RGL3: variants seen among roughly 807,000 people sequenced by gnomAD.
RGL3 encodes the protein ral guanine nucleotide dissociation stimulator-like 3.
In RGL3, 85 loss-of-function variants were observed where a neutral mutation model predicts 90.6. The observed-to-expected ratio is 0.94, with a 90% CI of 0.79 to 1.12. The LOEUF is 1.12. Among genes scored for constraint, RGL3 ranks in the 50% most tolerant of loss-of-function variants. RGL3 has a pLI of 0.00. For synonymous variants in RGL3, 408 were observed against 385.5 expected, an observed-to-expected ratio of 1.06 and a Z score of -0.68; for missense variants, 1,034 against 939.2, an observed-to-expected ratio of 1.10 and a Z score of -1.32.
At chr19:11,395,065 C>T (rs1362710405) in intron 18 of RGL3, among the ~76,000 whole-genome samples, 4 of 151,522 alleles carry the variant, frequency 2.6e-5, no homozygotes, top group South Asian at 4.2e-4. Context: ...TGCACTCCAG[C>T]CTGGGCAACA....
intron 9 of RGL3, 120 bp downstream of exon 9, chr19:11,405,027 C>T: frequency 1.2e-6 from 1 of 841,640 alleles, no homozygotes. Context: ...AAGGTCATTG[C>T]TGAGCGGTAG....
chr19:11,404,543 G>C (rs995349914), intron 9 of RGL3, among the ~76,000 whole-genome samples: 8 of 151,458 alleles, frequency 5.3e-5, no homozygotes, highest in African/African-American at 2.0e-4. Flanking sequence ...AACAAACAAA[G>C]AAACAAAAAA....
At chr19:11,416,521 C>G in intron 4 of RGL3, 93 bp downstream of exon 4, 1 of 1,264,010 alleles carries the variant, frequency 7.9e-7, no homozygotes, top group South Asian at 1.2e-5. Context: ...TCTTATTACC[C>G]AACCTGCAAT....
Position 11,402,061 on chromosome 19 carries a change from C to T in RGL3, c.1434G>A (p.Pro478=), listed in dbSNP as rs565228237. ...RCQSYTLSPH[P]PILAALHAQN... is the part of the protein sequence containing the mutation. ...GGGCATGCAGGGCAGCCAGGATGGG[C>T]GGGTGGGGGCTCAGGGTGTAGCTCT... Residue 478 remains proline, a synonymous_variant, in exon 13 of 19, where the codon CCG becomes CCA. Transcript: ENST00000380456. 4.3e-5 allele frequency: 67 copies of T among 1,572,590 alleles called. No individual in the cohort carries two copies. The highest frequency in any genetic ancestry group is 7.2e-5 in the South Asian group (6 of 83,376).
chr19:11,416,728 G>A, intron 3 of RGL3, 61 bp from the exon 4 acceptor site: 1 of 1,594,914 alleles, frequency 6.3e-7, no homozygotes, highest in South Asian at 1.1e-5. Flanking sequence ...TAGGAAGAGG[G>A]CTCTGGGTCT....
At chr19:11,415,417 C>G (rs2144741233) in intron 5 of RGL3, among the ~76,000 whole-genome samples, 1 of 151,814 alleles carries the variant, frequency 6.6e-6, no homozygotes, top group Admixed American at 6.6e-5. Flanking sequence ...ACAGAGCATC[C>G]TGACCCAACG....
intron 16 of RGL3, among the ~76,000 whole-genome samples, chr19:11,398,688 G>A (rs1266211323): frequency 6.7e-6 from 1 of 149,230 alleles, no homozygotes; most frequent in African/African-American, 2.5e-5. Flanking sequence ...TTTTCTTTTA[G>A]AGGGAGCCTC....
At chr19:11,416,217 T>A in intron 4 of RGL3, 69 bp from the exon 5 acceptor site, 8 of 28,030 alleles carry the variant, frequency 2.9e-4, no homozygotes, top group Non-Finnish European at 3.4e-4. Flanking sequence ...TCCTGGTACC[T>A]TTTTTTTTTT....
At chr19:11,405,920 T>G (rs1968769838) in intron 7 of RGL3, among the ~76,000 whole-genome samples, 1 of 150,962 alleles carries the variant, frequency 6.6e-6, no homozygotes. Context: ...CTAGAAACAT[T>G]GGTCTCACTA....
chr19:11,406,326 C>G, intron 7 of RGL3, 93 bp downstream of exon 7: 2 of 1,264,226 alleles, frequency 1.6e-6, no homozygotes, highest in Non-Finnish European at 1.1e-6. Context: ...CCCTCCCTCG[C>G]CTAGACTCGC....
intron 18 of RGL3, among the ~76,000 whole-genome samples, chr19:11,395,773 G>A (rs1344818431): frequency 2.6e-5 from 4 of 151,102 alleles, no homozygotes; most frequent in African/African-American, 9.7e-5. Context: ...GACTATAGGC[G>A]CCTGCCACCA....
chr19:11,405,155 G>C lies in RGL3; in HGVS notation c.1177C>G (p.Leu393Val). The change falls in exon 9 of 19, where the codon CTT becomes GTT. Residue 393 changes from leucine (L) to valine (V), a missense_variant. Transcript: ENST00000380456. ...TCTGCATCCATCTCTACCTGGAAAAGAATCTCTCTGCTGCTGAGGTGGTTG... is the reference window on the plus strand; with the variant it reads ...TCTGCATCCATCTCTACCTGGAAAACAATCTCTCTGCTGCTGAGGTGGTTG... ...ENNHLSSREI[L>V]FQEEATEGSQ... is the part of the protein sequence containing the mutation. 6.2e-7 allele frequency: 1 copy of C among 1,613,940 alleles called. No individual in the cohort carries two copies. Among genetic ancestry groups the C allele is most frequent in the Non-Finnish European group, 8.5e-7 (1 of 1,179,830 alleles).
At chr19:11,414,150 T>TATATATATATATATATATATATATAC in intron 5 of RGL3, among the ~76,000 whole-genome samples, 1 of 83,772 alleles carries the variant, frequency 1.2e-5, no homozygotes, top group Non-Finnish European at 2.3e-5. Flanking sequence ...TATATATATA[T>TATATATATATATATATATATATATAC]ATATATATAT....
At chr19:11,403,325 G>A (rs1292618714) in intron 9 of RGL3, among the ~76,000 whole-genome samples, 3 of 145,074 alleles carry the variant, frequency 2.1e-5, no homozygotes, top group African/African-American at 5.0e-5. Flanking sequence ...GTGAGCCACC[G>A]TGCCCGGCCA....
Position 11,412,153 on chromosome 19 carries a change from G to A in RGL3, c.637+3784C>T, listed in dbSNP as rs537431933. On this transcript the variant is annotated intron_variant, in intron 5 of 18. Coordinates refer to ENST00000380456, the MANE Select transcript of RGL3 (RefSeq NM_001035223.4). ...AAATTAGCCGGGTGTGGTGGTGCAC[G>A]CCTGTAATCCCAGCTACTCGGGAGG... Among the ~76,000 whole-genome samples, 9 of 151,710 alleles carry A rather than the reference G, an allele frequency of 5.9e-5. No individual in the cohort carries two copies. In the South Asian group the frequency reaches 1.7e-3, roughly 28 times the overall value.
intron 16 of RGL3, among the ~76,000 whole-genome samples, chr19:11,398,887 T>C (rs1968622653): frequency 6.6e-6 from 1 of 151,860 alleles, no homozygotes; most frequent in Admixed American, 6.6e-5. Context: ...GCCAGGATGG[T>C]CTCGATCTCT....
In RGL3 at chr19:11,400,302, G is replaced by A. The variant is rs775435405; in HGVS notation, c.1485-5C>T. ...ATGACCCGGGAGAGCCGGTAGCTGA[G>A]GGGTCAATATGTGGATGAGGTGGTG... On this transcript the variant is annotated splice_polypyrimidine_tract_variant and splice_region_variant and intron_variant, in intron 13 of 18. Transcript: ENST00000380456. 3 of 1,578,274 alleles carry A rather than the reference G, an allele frequency of 1.9e-6. No homozygotes were observed. Among genetic ancestry groups the A allele is most frequent in the Non-Finnish European group, 1.7e-6 (2 of 1,162,374 alleles).
In RGL3 at chr19:11,394,341, CAGG is replaced by C; in HGVS notation, c.*58_*60del. The C allele has an allele frequency of 1.5e-6, 2 of 1,336,592 alleles. No homozygotes were observed. The highest frequency in any genetic ancestry group is 2.2e-6 in the Non-Finnish European group (2 of 927,972). The allele number at this position is 1,336,592 out of a possible 1,614,324, so 82.8% of individuals were successfully genotyped here. A position where few individuals can be genotyped will look rare whatever the true frequency, so the allele number is the denominator to read the frequency against. Reference sequence around the variant, plus strand: ...CCTCTACTGGGGGATGGCAGCTTTCCAGGAGAAGAGTCGCAAGCTTGCCTGTGG... The same window carrying C: ...CCTCTACTGGGGGATGGCAGCTTTCCAGAAGAGTCGCAAGCTTGCCTGTGG... On this transcript the variant is annotated 3_prime_UTR_variant, in exon 19 of 19. Coordinates refer to ENST00000380456, the MANE Select transcript of RGL3 (RefSeq NM_001035223.4).
chr19:11,396,152 A>T (rs1968565373), intron 18 of RGL3, among the ~76,000 whole-genome samples: 2 of 66,916 alleles, frequency 3.0e-5, no homozygotes, highest in African/African-American at 7.0e-5. Context: ...ATATATATAT[A>T]TATATATTTT....
Sources: allele counts gnomAD v4.1 joint callset (sites outside exome capture counted in the v4.1 genomes callset), GRCh38; gene constraint gnomAD v4.1.1; transcripts MANE v1.5; gene names NCBI Gene and HGNC (gene_info 2026-07-23, HGNC 2026-07-21).